The following GRIA2 variants were observed in gnomAD, a reference collection of about 807,000 sequenced individuals.
GRIA2 encodes the protein glutamate ionotropic receptor AMPA type subunit 2.
Under a neutral mutation model 97.3 loss-of-function variants are expected in GRIA2, and 14 were observed. The ratio of observed to expected loss-of-function variants is 0.14; its 90% CI spans 0.10 to 0.23. The LOEUF is 0.23. Ranked by LOEUF, GRIA2 falls within the 10% of genes least tolerant of loss-of-function variation. GRIA2 has a pLI of 1.00. For synonymous variants in GRIA2, 412 were observed against 387.8 expected (o/e 1.06, Z -0.73); for missense variants, 558 against 1,069.8 (o/e 0.52, Z 6.67).
intron 12 of GRIA2, chr4:157,342,547 T>A (rs1346401894): frequency 8.2e-6 from 4 of 486,410 alleles, no homozygotes; most frequent in Non-Finnish European, 1.1e-5. Context: ...TTAGAATGAA[T>A]CTTGTAATGT....
intron 12 of GRIA2, among the ~76,000 whole-genome samples, chr4:157,341,799 T>C (rs925839419): frequency 1.3e-5 from 2 of 152,258 alleles, no homozygotes; most frequent in Admixed American, 1.3e-4. Flanking sequence ...TTTTATTTGA[T>C]TTTAAATAAA....
chr4:157,233,616 G>C (rs1281669212), intron 2 of GRIA2, among the ~76,000 whole-genome samples: 1 of 151,930 alleles, frequency 6.6e-6, no homozygotes, highest in Admixed American at 6.6e-5. Context: ...ATTATTGGAG[G>C]CATTATATGA....
In GRIA2 at chr4:157,230,559, TTTCC is replaced by T. The variant is rs1229226653; in HGVS notation, c.229+8768_229+8771del. 5.6e-5 allele frequency among the ~76,000 whole-genome samples: 5 copies of T among 89,474 alleles called. No individual in the cohort carries two copies. In the South Asian group the frequency reaches 1.7e-3, roughly 30 times the overall value. 58.7% of individuals were successfully genotyped at this position (89,474 alleles called of 152,430 possible). A position where few individuals can be genotyped will look rare whatever the true frequency, so the allele number is the denominator to read the frequency against. ...CCTTCTTTCCTTCCTTCCTTCCTTC[TTTCC>T]TTCCTTCCTTCCTTCTTTCCTTCCT... is the stretch of plus-strand genomic sequence containing the variant. On this transcript the variant is annotated intron_variant, in intron 2 of 15. Coordinates refer to ENST00000264426, the MANE Select transcript of GRIA2 (RefSeq NM_001083619.3).
chr4:157,349,117 A>C (rs910440606), intron 12 of GRIA2, among the ~76,000 whole-genome samples: 16 of 152,202 alleles, frequency 1.1e-4, no homozygotes, highest in East Asian at 9.6e-4. Context: ...AGAGTCTTCA[A>C]ACATTTATTT....
rs1464106468 is a variant in GRIA2, at chr4:157,338,056, ACAT to A, written c.1844+1310_1844+1312del. 8.9e-4 allele frequency among the ~76,000 whole-genome samples: 6 copies of A among 6,730 alleles called. No individual in the cohort carries two copies. The Non-Finnish European group carries it at 0.021, about 24-fold the overall frequency. The allele number at this position is 6,730 out of a possible 152,430, so 4.4% of individuals were successfully genotyped here. A position where few individuals can be genotyped will look rare whatever the true frequency, so the allele number is the denominator to read the frequency against. The stretch of plus-strand genomic sequence containing the variant: ...TATATATATATATATATATACACAC[ACAT>A]TTTTTTTATCTCTGACAAAATATAT... On this transcript the variant is annotated intron_variant, in intron 11 of 15. Coordinates refer to ENST00000264426, the MANE Select transcript of GRIA2 (RefSeq NM_001083619.3).
chr4:157,311,316 T>C (rs996459994), intron 3 of GRIA2, among the ~76,000 whole-genome samples: 3 of 152,066 alleles, frequency 2.0e-5, no homozygotes, highest in African/African-American at 7.2e-5. Flanking sequence ...TATTTCGCAT[T>C]TATTATTCTA....
At chr4:157,256,137 A>C (rs1380827564) in intron 2 of GRIA2, among the ~76,000 whole-genome samples, 3 of 107,106 alleles carry the variant, frequency 2.8e-5, no homozygotes, top group African/African-American at 1.0e-4. Flanking sequence ...GCTTTACATC[A>C]AATTGTAATA....
chr4:157,352,182 A>C (rs1736037422), intron 12 of GRIA2, among the ~76,000 whole-genome samples: 6 of 152,296 alleles, frequency 3.9e-5, no homozygotes, highest in Middle Eastern at 3.4e-3. Flanking sequence ...TTTTTACCAA[A>C]ACATTTTTAA....
chr4:157,222,468 G>A (rs537711932), intron 2 of GRIA2, among the ~76,000 whole-genome samples: 24 of 152,320 alleles, frequency 1.6e-4, no homozygotes, highest in Middle Eastern at 3.4e-3. Context: ...CGGCCGGGTG[G>A]CGTGGGGGTG....
intron 2 of GRIA2, among the ~76,000 whole-genome samples, chr4:157,289,656 T>A (rs551075634): frequency 6.6e-6 from 1 of 151,996 alleles, no homozygotes; most frequent in East Asian, 1.9e-4. Flanking sequence ...AGATTAAATT[T>A]ACAAATTATA....
chr4:157,298,611 C>CTTT (rs67497887), intron 2 of GRIA2, among the ~76,000 whole-genome samples: 2,183 of 34,380 alleles, frequency 0.063, 533 homozygotes, highest in South Asian at 0.086. Flanking sequence ...TGAAGCTAAG[C>CTTT]TTTTTTTTTT....
Position 157,301,627 on chromosome 4 carries a change from A to G in GRIA2, c.230-1925A>G, listed in dbSNP as rs191002468. Among the ~76,000 whole-genome samples, 498 of 152,314 alleles carry G rather than the reference A, an allele frequency of 3.3e-3. 4 individuals are homozygous for G. Among genetic ancestry groups the G allele is most frequent in the East Asian group, 0.011 (55 of 5,172 alleles). On this transcript the variant is annotated intron_variant, in intron 2 of 15. Coordinates refer to ENST00000264426, the MANE Select transcript of GRIA2 (RefSeq NM_001083619.3). ...ATTTTTTGATTGTCTAGAATTGGCAATTAGAATCTGTACATATTTTAGCAA... is the reference window on the plus strand; with the variant it reads ...ATTTTTTGATTGTCTAGAATTGGCAGTTAGAATCTGTACATATTTTAGCAA...
At chr4:157,295,960 G>T (rs1733329302) in intron 2 of GRIA2, among the ~76,000 whole-genome samples, 1 of 151,988 alleles carries the variant, frequency 6.6e-6, no homozygotes, top group South Asian at 2.1e-4. Context: ...ATATTTTCAT[G>T]TGCAAAATTT....
At chr4:157,348,186 T>A (rs1341634522) in intron 12 of GRIA2, among the ~76,000 whole-genome samples, 1 of 152,154 alleles carries the variant, frequency 6.6e-6, no homozygotes, top group Non-Finnish European at 1.5e-5. Flanking sequence ...TTGCTCTGAC[T>A]CCTACTAAGT....
intron 12 of GRIA2, among the ~76,000 whole-genome samples, chr4:157,346,861 T>C (rs1209545866): frequency 6.6e-6 from 1 of 152,160 alleles, no homozygotes; most frequent in Non-Finnish European, 1.5e-5. Context: ...GTTAAAATCA[T>C]TTCCTCTCTG....
chr4:157,256,855 A>G (rs1731299206), intron 2 of GRIA2, among the ~76,000 whole-genome samples: 1 of 152,002 alleles, frequency 6.6e-6, no homozygotes, highest in Non-Finnish European at 1.5e-5. Context: ...GTAGAAAGCG[A>G]CATGATTTTG....
chr4:157,343,392 T>A (rs891883466), intron 12 of GRIA2, among the ~76,000 whole-genome samples: 2 of 152,188 alleles, frequency 1.3e-5, no homozygotes, highest in African/African-American at 2.4e-5. Flanking sequence ...AACTAATAAG[T>A]ATGCTGAGGT....
chr4:157,347,137 G>T (rs1488176259), intron 12 of GRIA2, among the ~76,000 whole-genome samples: 1 of 152,144 alleles, frequency 6.6e-6, no homozygotes, highest in Non-Finnish European at 1.5e-5. Flanking sequence ...TTCATAGGAA[G>T]AGAAAAATAA....
At position 157,312,837 on chromosome 4, in the gene GRIA2, G is replaced by A; in HGVS notation, c.628G>A (p.Asp210Asn). Residue 210 changes from aspartate to asparagine, a missense_variant, in exon 4 of 16, where the codon GAC becomes AAC. Physicochemically the swap from Asp to Asn is conservative, Grantham distance 23. Around this residue, in one of 8 missense-constraint regions of GRIA2, gnomAD observed 173 missense variants for 209.1 expected, o/e 0.83. Transcript: ENST00000264426. ...AAAAAAGGAACGGCGTGTAATTCTGGACTGTGAAAGGGATAAAGTAAACGA... is the reference window on the plus strand; with the variant it reads ...AAAAAAGGAACGGCGTGTAATTCTGAACTGTGAAAGGGATAAAGTAAACGA... ...ELKKERRVIL[D>N]CERDKVNDIV... 1 of 1,610,650 alleles carries A rather than the reference G, an allele frequency of 6.2e-7. No individual in the cohort carries two copies. Among genetic ancestry groups the A allele is most frequent in the Non-Finnish European group, 8.5e-7 (1 of 1,177,894 alleles).
Sources: allele counts gnomAD v4.1 joint callset (sites outside exome capture counted in the v4.1 genomes callset), GRCh38; gene constraint gnomAD v4.1.1; regional missense constraint gnomAD v4.1.1; transcripts MANE v1.5; gene names NCBI Gene and HGNC (gene_info 2026-07-23, HGNC 2026-07-21).